LPGAT1: variants seen among roughly 807,000 people sequenced by gnomAD.
LPGAT1 encodes the protein acyl-CoA:lysophosphatidylglycerol acyltransferase 1.
LPGAT1 carries 11 observed loss-of-function variants against 47.5 expected under a neutral mutation model. The observed-to-expected ratio is 0.23, with a 90% CI of 0.15 to 0.38. LPGAT1 has a LOEUF of 0.38. Among genes scored for constraint, LPGAT1 ranks in the 10% least tolerant of loss-of-function variants. LPGAT1 has a pLI of 1.00. For missense variants in LPGAT1, 293 were observed against 439.0 expected (o/e 0.67, Z 2.97); for synonymous variants, 138 against 144.2 (o/e 0.96, Z 0.31).
intron 2 of LPGAT1, among the ~76,000 whole-genome samples, chr1:211,801,455 C>T (rs1459234563): frequency 6.6e-6 from 1 of 152,108 alleles, no homozygotes; most frequent in Non-Finnish European, 1.5e-5. Flanking sequence ...TGACTCACAC[C>T]TGTAATCCCA....
At chr1:211,758,350 G>C (rs1657549840) in intron 6 of LPGAT1, among the ~76,000 whole-genome samples, 1 of 152,108 alleles carries the variant, frequency 6.6e-6, no homozygotes, top group Non-Finnish European at 1.5e-5. Flanking sequence ...TGACAATTTT[G>C]TTTTTACCTT....
intron 2 of LPGAT1, among the ~76,000 whole-genome samples, chr1:211,817,493 C>T (rs1660215214): frequency 6.6e-6 from 1 of 151,896 alleles, no homozygotes; most frequent in South Asian, 2.1e-4. Context: ...ATCACTTGAA[C>T]CCAGGAGGTG....
intron 4 of LPGAT1, 113 bp from the exon 5 acceptor site, chr1:211,783,615 T>C: frequency 1.0e-6 from 1 of 979,552 alleles, no homozygotes; most frequent in East Asian, 2.7e-5. Flanking sequence ...AATAGAATAG[T>C]GATTCCCCCA....
At chr1:211,806,229 C>A in intron 2 of LPGAT1, among the ~76,000 whole-genome samples, 1 of 146,096 alleles carries the variant, frequency 6.8e-6, no homozygotes. Flanking sequence ...CACTGTATTA[C>A]AGCCTGGGAA....
At chr1:211,773,721 A>G (rs998175441) in intron 6 of LPGAT1, among the ~76,000 whole-genome samples, 1 of 152,186 alleles carries the variant, frequency 6.6e-6, no homozygotes, top group Non-Finnish European at 1.5e-5. Context: ...TAATTTTCCT[A>G]TTAACCACTG....
intron 2 of LPGAT1, among the ~76,000 whole-genome samples, chr1:211,824,628 T>C (rs73086913): frequency 0.018 from 2,698 of 152,294 alleles, 85 homozygotes; most frequent in African/African-American, 0.06. Context: ...CTCTCAAATG[T>C]TGACTGCACT....
chr1:211,779,225 T>C (rs1408839320), intron 5 of LPGAT1, among the ~76,000 whole-genome samples, 181 bp from the exon 6 acceptor site: 1 of 152,200 alleles, frequency 6.6e-6, no homozygotes, highest in Non-Finnish European at 1.5e-5. Flanking sequence ...TAAGGATTAC[T>C]TATGTTATAA....
chr1:211,783,101 A>G (rs1004823949), intron 5 of LPGAT1, 128 bp downstream of exon 5: 4 of 841,098 alleles, frequency 4.8e-6, no homozygotes, highest in South Asian at 2.8e-5. Flanking sequence ...TTAAAAAATT[A>G]CAGTTTCATC....
Position 211,746,805 on chromosome 1 carries a change from T to G in LPGAT1, c.*3094A>C, listed in dbSNP as rs1656964108. The stretch of plus-strand genomic sequence containing the variant: ...ACCTTCCATTACTTACAGGTTTCTC[T>G]GCAATTTAAGTACAGTTCACCACCA... On this transcript the variant is annotated 3_prime_UTR_variant, in exon 8 of 8. Transcript: ENST00000366997. 6.6e-6 allele frequency: 1 copy of G among 152,224 alleles called. No homozygotes were observed. Among genetic ancestry groups the G allele is most frequent in the Admixed American group, 6.5e-5 (1 of 15,290 alleles). 9.4% of individuals were successfully genotyped at this position (152,224 alleles called of 1,614,324 possible). A position where few individuals can be genotyped will look rare whatever the true frequency, so the allele number is the denominator to read the frequency against.
chr1:211,757,959 C>T (rs17018032), intron 6 of LPGAT1, among the ~76,000 whole-genome samples: 3,646 of 152,272 alleles, frequency 0.024, 80 homozygotes, highest in South Asian at 0.11. Flanking sequence ...TAGGCTACTT[C>T]GCTTGCAGTA....
chr1:211,804,693 G>A (rs141667915), intron 2 of LPGAT1, among the ~76,000 whole-genome samples: 27 of 152,148 alleles, frequency 1.8e-4, no homozygotes, highest in African/African-American at 6.5e-4. Context: ...TGTATTACAT[G>A]TAAGTGCAGA....
At chr1:211,760,252 G>GA (rs1163876721) in intron 6 of LPGAT1, among the ~76,000 whole-genome samples, 19 of 152,298 alleles carry the variant, frequency 1.2e-4, no homozygotes, top group African/African-American at 4.3e-4. Flanking sequence ...CTGAGGTAGG[G>GA]AGACCATCCT....
chr1:211,791,569 G>A (rs942332704), intron 3 of LPGAT1, among the ~76,000 whole-genome samples: 13 of 151,984 alleles, frequency 8.6e-5, no homozygotes, highest in Admixed American at 2.0e-4. Context: ...CCAACATGGC[G>A]AAACCCCGTC....
At chr1:211,774,929 T>C (rs1169999903) in intron 6 of LPGAT1, among the ~76,000 whole-genome samples, 1 of 152,228 alleles carries the variant, frequency 6.6e-6, no homozygotes, top group Non-Finnish European at 1.5e-5. Context: ...CTCCACATTC[T>C]GGCAATCTAG....
rs547447929 is a variant in LPGAT1, at chr1:211,745,383, C to A, written c.*4516G>T. ...TTGAAAGTATAACTGTCTCATCACC[C>A]GATCATAAAATAAGTTACTGTAAAA... On this transcript the variant is annotated 3_prime_UTR_variant, in exon 8 of 8. Transcript: ENST00000366997. 6.6e-6 allele frequency: 1 copy of A among 152,134 alleles called. No homozygotes were observed. The highest frequency in any genetic ancestry group is 1.9e-4 in the East Asian group (1 of 5,190). 9.4% of individuals were successfully genotyped at this position (152,134 alleles called of 1,614,324 possible). A position where few individuals can be genotyped will look rare whatever the true frequency, so the allele number is the denominator to read the frequency against.
At chr1:211,755,402 G>C (rs1657398913) in intron 6 of LPGAT1, among the ~76,000 whole-genome samples, 1 of 150,890 alleles carries the variant, frequency 6.6e-6, no homozygotes. Flanking sequence ...ATGATGTTTA[G>C]ACCAGCAAAT....
intron 3 of LPGAT1, among the ~76,000 whole-genome samples, chr1:211,789,916 CT>C (rs1659041340): frequency 6.6e-6 from 1 of 151,012 alleles, no homozygotes; most frequent in African/African-American, 2.4e-5. Context: ...ACAATTAATC[CT>C]TTGTTTCATA....
intron 6 of LPGAT1, among the ~76,000 whole-genome samples, chr1:211,776,337 G>T (rs999475895): frequency 1.3e-5 from 2 of 152,080 alleles, no homozygotes; most frequent in South Asian, 2.1e-4. Context: ...AGGAGTTCGA[G>T]ACCAGCCTGG....
chr1:211,762,599 A>G (rs1431619383), intron 6 of LPGAT1, among the ~76,000 whole-genome samples: 1 of 152,238 alleles, frequency 6.6e-6, no homozygotes, highest in Non-Finnish European at 1.5e-5. Flanking sequence ...TGGGATTTAA[A>G]TAAGTAAATA....
Sources: gnomAD v4.1 joint callset for allele counts (sites outside exome capture counted in the v4.1 genomes callset) on GRCh38, gnomAD v4.1.1 for gene constraint, MANE v1.5 for transcripts, NCBI Gene and HGNC (gene_info 2026-07-23, HGNC 2026-07-21) for gene names.